The following SCART1 variants were observed in gnomAD, a reference collection of about 807,000 sequenced individuals.
The protein encoded by SCART1 is scavenger receptor family member expressed on T cells 1.
In SCART1, 62 loss-of-function variants were observed where a neutral mutation model predicts 36.2. The ratio of observed to expected loss-of-function variants is 1.71; its 90% CI spans 1.40 to 2.12. The LOEUF is 2.12. Among genes scored for constraint, SCART1 ranks in the 30% most tolerant of loss-of-function variants. The probability of loss-of-function intolerance (pLI) is 0.00; values close to 1 mark genes in which losing one functional copy is unlikely to be tolerated. For missense variants in SCART1, 1,041 were observed against 540.5 expected (o/e 1.93, Z -9.18); for synonymous variants, 487 against 238.7 (o/e 2.04, Z -9.59).
chr10:133,456,296 G>A (rs1850609925), exon 2 of SCART1: 1 of 702,844 alleles, frequency 1.4e-6, no homozygotes. Flanking sequence ...AGTGGTGTTG[G>A]TCCGACACCA....
intron 6 of SCART1, among the ~76,000 whole-genome samples, chr10:133,461,151 T>C (rs1334642637): frequency 3.3e-5 from 5 of 152,060 alleles, no homozygotes; most frequent in Admixed American, 6.5e-5. Context: ...CATTCTTGGG[T>C]GATGGAATTT....
downstream of SCART1, among the ~76,000 whole-genome samples, chr10:133,469,356 A>G (rs559174819): frequency 2.6e-5 from 4 of 152,182 alleles, no homozygotes; most frequent in Admixed American, 1.3e-4. Flanking sequence ...TGACCTATCA[A>G]TGATAGACTG....
intron 2 of SCART1, 68 bp downstream of exon 2, chr10:133,456,622 T>C (rs979235191): frequency 1.7e-6 from 1 of 597,862 alleles, no homozygotes; most frequent in Non-Finnish European, 3.0e-6. Context: ...GGAGGAGGAC[T>C]GGGAGGACGC....
At chr10:133,457,872 A>G (rs2133551300) in intron 3 of SCART1, 1 of 536,504 alleles carries the variant, frequency 1.9e-6, no homozygotes, top group African/African-American at 1.9e-5. Flanking sequence ...CATGTCTAAC[A>G]TGGATCGGGG....
chr10:133,465,512 G>A (rs1424168721), exon 9 of SCART1: 2 of 522,268 alleles, frequency 3.8e-6, no homozygotes, highest in Admixed American at 4.1e-5. Flanking sequence ...CCTGCGGAGC[G>A]GTGGGGACGC....
At chr10:133,458,680 G>A in intron 4 of SCART1, 24 bp downstream of exon 4, 1 of 700,532 alleles carries the variant, frequency 1.4e-6, no homozygotes, top group East Asian at 2.7e-5. Flanking sequence ...TGTGGGCTCT[G>A]AAGGCTCAGC....
intron 6 of SCART1, among the ~76,000 whole-genome samples, chr10:133,460,633 T>A (rs527456970): frequency 5.4e-3 from 824 of 151,662 alleles, no homozygotes; most frequent in Non-Finnish European, 9.3e-3. Flanking sequence ...CCTCCTGTAG[T>A]CCAGGGATCC....
exon 9 of SCART1, chr10:133,465,274 G>A: frequency 2.9e-6 from 2 of 688,972 alleles, no homozygotes; most frequent in South Asian, 1.5e-5. Flanking sequence ...GCGCGTGCGC[G>A]GGGGCGAGGA....
chr10:133,467,786 A>G, intron 11 of SCART1, 61 bp from the exon 12 acceptor site: 3 of 600,048 alleles, frequency 5.0e-6, no homozygotes, highest in South Asian at 2.0e-5. Context: ...GCTTTGCCAA[A>G]TGTGCTCTGG....
In SCART1 at chr10:133,463,227, GAC is replaced by G. The variant is rs142182687; in HGVS notation, c.1970-1366_1970-1365del. On this transcript the variant is annotated intron_variant, in intron 6 of 11. Transcript: ENST00000640237. ...GGGCTGAGGTACACACACACACACA[GAC>G]ACACACACACACTTAAATAATTACT... is the stretch of plus-strand genomic sequence containing the variant. Among the ~76,000 whole-genome samples the G allele has an allele frequency of 2.0e-4, 30 of 151,756 alleles. No homozygotes were observed. In the East Asian group the frequency reaches 5.2e-3, roughly 26 times the overall value.
chr10:133,460,257 C>G (rs1366828580), intron 6 of SCART1, 87 bp downstream of exon 6: 1 of 404,552 alleles, frequency 2.5e-6, no homozygotes, highest in Non-Finnish European at 4.4e-6. Flanking sequence ...ATCAAACTAT[C>G]GGGAGCTGTT....
chr10:133,459,882 C>T, exon 6 of SCART1: 1 of 547,838 alleles, frequency 1.8e-6, no homozygotes, highest in South Asian at 2.3e-5. Context: ...CCACAGGGAG[C>T]CTCAGGGTGC....
chr10:133,463,591 G>A (rs1331238154), intron 6 of SCART1, among the ~76,000 whole-genome samples: 1 of 139,876 alleles, frequency 7.1e-6, no homozygotes, highest in Non-Finnish European at 1.5e-5. Context: ...TTAACATAAT[G>A]TCCTCCAGGT....
At chr10:133,467,256 G>A (rs1297946005) in exon 11 of SCART1, 10 of 702,886 alleles carry the variant, frequency 1.4e-5, no homozygotes, top group African/African-American at 1.4e-4. Context: ...TTGGGGAAAT[G>A]CCGCCAGCAG....
chr10:133,460,471 C>CATAT (rs55751015), intron 6 of SCART1, among the ~76,000 whole-genome samples: 2,948 of 136,378 alleles, frequency 0.022, 127 homozygotes, highest in African/African-American at 0.058. Context: ...ATCCGAAATT[C>CATAT]ATATATATAT....
At chr10:133,469,416 A>G (rs1850794353), downstream of SCART1, among the ~76,000 whole-genome samples, 1 of 152,222 alleles carries the variant, frequency 6.6e-6, no homozygotes, top group Non-Finnish European at 1.5e-5. Context: ...TGCAGCCAGA[A>G]AAAAGGATGA....
At chr10:133,454,180 C>T in intron 1 of SCART1, 116 bp downstream of exon 1, 1 of 683,552 alleles carries the variant, frequency 1.5e-6, no homozygotes, top group Non-Finnish European at 2.7e-6. Context: ...GGGTCTCACT[C>T]AGCCCAGAGT....
intron 1 of SCART1, 107 bp from the exon 2 acceptor site, chr10:133,456,130 G>A (rs1286408987): frequency 7.9e-6 from 5 of 634,672 alleles, no homozygotes; most frequent in African/African-American, 3.6e-5. Context: ...AGAGGAGCCC[G>A]ACTCGCTGCT....
At chr10:133,460,613 G>A (rs528797154) in intron 6 of SCART1, among the ~76,000 whole-genome samples, 8 of 150,722 alleles carry the variant, frequency 5.3e-5, no homozygotes, top group African/African-American at 1.5e-4. Flanking sequence ...ACCGGTCACC[G>A]CAGTCTTGAC....
Sources: allele counts gnomAD v4.1 joint callset (sites outside exome capture counted in the v4.1 genomes callset), GRCh38; gene constraint gnomAD v4.1.1; transcripts MANE v1.5; gene names NCBI Gene and HGNC (gene_info 2026-07-23, HGNC 2026-07-21).